ATF2: variants seen among roughly 807,000 people sequenced by gnomAD.
ATF2 encodes the protein cyclic AMP-dependent transcription factor ATF-2.
A neutral mutation model predicts 60.6 loss-of-function variants in ATF2; 24 were observed. That is an observed-to-expected ratio of 0.40 (90% confidence interval 0.29 to 0.56). The LOEUF (loss-of-function observed/expected upper bound fraction) is 0.56, where lower values mean the gene tolerates loss of function less well. ATF2 is among the 20% of genes least tolerant of loss of function. The probability of loss-of-function intolerance (pLI) is 0.54; values close to 1 mark genes in which losing one functional copy is unlikely to be tolerated. For missense variants in ATF2, 433 were observed against 607.7 expected, an observed-to-expected ratio of 0.71 and a Z score of 3.02; for synonymous variants, 206 against 215.4, an observed-to-expected ratio of 0.96 and a Z score of 0.38.
intron 10 of ATF2, among the ~76,000 whole-genome samples, chr2:175,109,842 A>G (rs963514806): frequency 2.6e-5 from 4 of 152,170 alleles, no homozygotes; most frequent in African/African-American, 9.7e-5. Flanking sequence ...AGTATTTCCA[A>G]AGCTCTGACC....
intron 9 of ATF2, 116 bp downstream of exon 9, chr2:175,113,878 C>A: frequency 1.1e-6 from 1 of 884,594 alleles, no homozygotes; most frequent in Non-Finnish European, 1.8e-6. Context: ...ATACTATCAA[C>A]TGCTAATCAA....
chr2:175,087,733 T>C (rs145451793), intron 12 of ATF2, among the ~76,000 whole-genome samples: 1 of 152,312 alleles, frequency 6.6e-6, no homozygotes, highest in Non-Finnish European at 1.5e-5. Flanking sequence ...CTCCACACAG[T>C]TCCAAGGGTT....
intron 2 of ATF2, among the ~76,000 whole-genome samples, chr2:175,143,950 T>C (rs796600962): frequency 4.6e-5 from 7 of 152,180 alleles, no homozygotes; most frequent in African/African-American, 1.7e-4. Flanking sequence ...TATACCACCA[T>C]CTCCAGCTAA....
At chr2:175,135,138 T>C (rs994265126) in intron 3 of ATF2, among the ~76,000 whole-genome samples, 19 of 148,650 alleles carry the variant, frequency 1.3e-4, no homozygotes, top group Admixed American at 4.1e-4. Context: ...AGAGGAAGAA[T>C]ACCACCACTT....
intron 12 of ATF2, among the ~76,000 whole-genome samples, chr2:175,083,629 C>G (rs969735652): frequency 6.6e-6 from 1 of 152,050 alleles, no homozygotes; most frequent in East Asian, 1.9e-4. Flanking sequence ...GCAACAAAAG[C>G]CAAAATTGAC....
At chr2:175,104,832 A>G (rs1441388136) in intron 10 of ATF2, among the ~76,000 whole-genome samples, 1 of 151,826 alleles carries the variant, frequency 6.6e-6, no homozygotes, top group Non-Finnish European at 1.5e-5. Flanking sequence ...GTATAATCTA[A>G]TCTAACTTGC....
chr2:175,099,706 T>C (rs918077208), intron 10 of ATF2, among the ~76,000 whole-genome samples: 2 of 152,234 alleles, frequency 1.3e-5, no homozygotes, highest in African/African-American at 4.8e-5. Flanking sequence ...TTTAATTGTA[T>C]AGTATCCCCA....
chr2:175,107,120 G>A (rs944120777), intron 10 of ATF2, among the ~76,000 whole-genome samples: 7 of 152,212 alleles, frequency 4.6e-5, no homozygotes, highest in East Asian at 3.9e-4. Context: ...GCCAAACCCC[G>A]TCTCAATCAA....
chr2:175,104,651 G>A (rs1373760941), intron 10 of ATF2, among the ~76,000 whole-genome samples: 1 of 152,104 alleles, frequency 6.6e-6, no homozygotes, highest in Non-Finnish European at 1.5e-5. Context: ...TCTGTGCACT[G>A]GGATACGAAC....
intron 4 of ATF2, among the ~76,000 whole-genome samples, chr2:175,126,277 T>C (rs1015276237): frequency 2.0e-5 from 3 of 152,214 alleles, no homozygotes; most frequent in African/African-American, 7.2e-5. Context: ...TACATTCTCC[T>C]CCTCTTTCTG....
At chr2:175,141,213 T>A (rs1167471921) in intron 2 of ATF2, among the ~76,000 whole-genome samples, 1 of 151,416 alleles carries the variant, frequency 6.6e-6, no homozygotes, top group Non-Finnish European at 1.5e-5. Flanking sequence ...ATGGTATCTG[T>A]CAATTACTTA....
intron 8 of ATF2, 81 bp downstream of exon 8, chr2:175,114,609 A>T: frequency 6.5e-7 from 1 of 1,535,986 alleles, no homozygotes; most frequent in Non-Finnish European, 8.8e-7. Flanking sequence ...CTTAGTTTGA[A>T]TAATCAAATG....
At chr2:175,134,742 G>A (rs1698013555) in intron 3 of ATF2, among the ~76,000 whole-genome samples, 1 of 152,010 alleles carries the variant, frequency 6.6e-6, no homozygotes, top group Admixed American at 6.6e-5. Flanking sequence ...CCAGCACTTT[G>A]GGAGGCTGAG....
At chr2:175,133,509 T>A (rs1254656318) in intron 3 of ATF2, among the ~76,000 whole-genome samples, 1 of 152,176 alleles carries the variant, frequency 6.6e-6, no homozygotes, top group East Asian at 1.9e-4. Flanking sequence ...GTGCTTTAGA[T>A]CAATGTTTCC....
intron 8 of ATF2, chr2:175,114,384 T>C: frequency 3.2e-6 from 4 of 1,252,396 alleles, no homozygotes; most frequent in Non-Finnish European, 4.0e-6. Flanking sequence ...TCTTGGGAGC[T>C]ACCAGTAAGA....
chr2:175,167,728 A>G (rs1261573296), intron 1 of ATF2: 1 of 483,796 alleles, frequency 2.1e-6, no homozygotes, highest in Non-Finnish European at 4.3e-6. Flanking sequence ...GATAATTCGG[A>G]GGGAGGGGTC....
intron 12 of ATF2, among the ~76,000 whole-genome samples, chr2:175,082,858 C>A (rs1693858837): frequency 6.6e-6 from 1 of 152,192 alleles, no homozygotes; most frequent in Admixed American, 6.6e-5. Context: ...TAAGTGTCAA[C>A]TCAGAACAGT....
intron 9 of ATF2, 100 bp from the exon 10 acceptor site, chr2:175,111,754 A>T (rs1199205182): frequency 8.7e-6 from 9 of 1,028,640 alleles, no homozygotes; most frequent in East Asian, 2.6e-5. Context: ...AAGAATCAGA[A>T]CATTGTAAAT....
chr2:175,091,328 C>A (rs899835175), intron 12 of ATF2, among the ~76,000 whole-genome samples: 1 of 151,764 alleles, frequency 6.6e-6, no homozygotes, highest in African/African-American at 2.4e-5. Context: ...TGTCATACAA[C>A]TATAAAATAG....
Sources: gnomAD v4.1 joint callset for allele counts (sites outside exome capture counted in the v4.1 genomes callset) on GRCh38, gnomAD v4.1.1 for gene constraint, MANE v1.5 for transcripts, NCBI Gene and HGNC (gene_info 2026-07-23, HGNC 2026-07-21) for gene names.